The following NUDT3 variants were observed in gnomAD, a reference collection of about 807,000 sequenced individuals.
The protein encoded by NUDT3 is nudix hydrolase 3.
NUDT3 carries 9 observed loss-of-function variants against 23.6 expected under a neutral mutation model. The ratio of observed to expected loss-of-function variants is 0.38; its 90% CI spans 0.23 to 0.66. The LOEUF (loss-of-function observed/expected upper bound fraction) is 0.66. Among genes scored for constraint, NUDT3 ranks in the 30% least tolerant of loss-of-function variants. NUDT3 has a pLI of 0.52. For synonymous variants in NUDT3, 86 were observed against 82.6 expected, an observed-to-expected ratio of 1.04 and a Z score of -0.22; for missense variants, 172 against 218.5, an observed-to-expected ratio of 0.79 and a Z score of 1.34.
At chr6:34,312,165 G>A (rs975510704) in intron 2 of NUDT3, among the ~76,000 whole-genome samples, 3 of 152,128 alleles carry the variant, frequency 2.0e-5, no homozygotes, top group Non-Finnish European at 4.4e-5. Flanking sequence ...ACTTTGGGAG[G>A]CTGAGGTGGG....
At chr6:34,378,547 T>C (rs891789770) in intron 1 of NUDT3, among the ~76,000 whole-genome samples, 22 of 152,202 alleles carry the variant, frequency 1.4e-4, no homozygotes, top group Admixed American at 3.3e-4. Context: ...GCTCAGAATA[T>C]TGGAGTGGCA....
intron 1 of NUDT3, among the ~76,000 whole-genome samples, chr6:34,383,064 T>C (rs1338550855): frequency 6.7e-6 from 1 of 150,162 alleles, no homozygotes; most frequent in African/African-American, 2.5e-5. Flanking sequence ...GAGGCGGAGG[T>C]TGCAGTGAGC....
intron 1 of NUDT3, among the ~76,000 whole-genome samples, chr6:34,377,661 C>T (rs1465955932): frequency 6.6e-6 from 1 of 151,802 alleles, no homozygotes; most frequent in African/African-American, 2.4e-5. Flanking sequence ...TGGTGAAACC[C>T]GTTGCTACTG....
Position 34,348,901 on chromosome 6 carries a change from C to T in NUDT3, c.100-6929G>A, listed in dbSNP as rs538478244. On this transcript the variant is annotated intron_variant, in intron 1 of 4. Transcript: ENST00000607016. ...TTTAGACAGGATCTCGCTCTTTTGCCCAGGCTAGAGCGCAGTGGTGCAATC... is the reference window on the plus strand; with the variant it reads ...TTTAGACAGGATCTCGCTCTTTTGCTCAGGCTAGAGCGCAGTGGTGCAATC... 2.2e-4 allele frequency among the ~76,000 whole-genome samples: 33 copies of T among 151,738 alleles called. No homozygotes were observed. The East Asian group carries it at 6.0e-3, about 28-fold the overall frequency.
intron 1 of NUDT3, among the ~76,000 whole-genome samples, chr6:34,390,364 G>T (rs960386889): frequency 6.6e-6 from 1 of 151,598 alleles, no homozygotes; most frequent in African/African-American, 2.4e-5. Context: ...GTGAGATGCC[G>T]TGAGGTAGCC....
intron 3 of NUDT3, 100 bp from the exon 4 acceptor site, chr6:34,293,635 C>T: frequency 2.9e-6 from 4 of 1,361,164 alleles, no homozygotes; most frequent in Non-Finnish European, 4.1e-6. Flanking sequence ...AGAGCTCAGA[C>T]ACAAAGATTC....
At chr6:34,362,027 T>C (rs11967909) in intron 1 of NUDT3, among the ~76,000 whole-genome samples, 2,953 of 152,280 alleles carry the variant, frequency 0.019, 290 homozygotes, top group Admixed American at 0.16. Flanking sequence ...GGCTCACTGA[T>C]TGTAACAAAT....
intron 1 of NUDT3, among the ~76,000 whole-genome samples, chr6:34,389,791 A>T (rs1765165796): frequency 6.6e-6 from 1 of 152,026 alleles, no homozygotes; most frequent in Non-Finnish European, 1.5e-5. Flanking sequence ...GTAACAACCC[A>T]TCTCTACTAA....
At chr6:34,328,219 A>G (rs1764071765) in intron 2 of NUDT3, among the ~76,000 whole-genome samples, 2 of 152,178 alleles carry the variant, frequency 1.3e-5, no homozygotes, top group Non-Finnish European at 1.5e-5. Context: ...TTTCTCTTGA[A>G]ACATCAGAGG....
At chr6:34,384,212 G>A (rs1025659539) in intron 1 of NUDT3, among the ~76,000 whole-genome samples, 1 of 152,170 alleles carries the variant, frequency 6.6e-6, no homozygotes, top group African/African-American at 2.4e-5. Context: ...TCATCTCTCC[G>A]TTCCAACCTG....
chr6:34,336,124 C>G (rs1764205349), intron 2 of NUDT3, among the ~76,000 whole-genome samples: 1 of 152,006 alleles, frequency 6.6e-6, no homozygotes, highest in Non-Finnish European at 1.5e-5. Flanking sequence ...CAAAAATTAG[C>G]TGGGCATGGT....
At chr6:34,329,812 ATG>A (rs1581869586) in intron 2 of NUDT3, among the ~76,000 whole-genome samples, 1 of 151,928 alleles carries the variant, frequency 6.6e-6, no homozygotes, top group East Asian at 1.9e-4. Flanking sequence ...ACCCCACCCC[ATG>A]GCAGGCCCTG....
chr6:34,311,871 A>G lies in NUDT3; in HGVS notation c.211-16186T>C, dbSNP rs182376940. Among the ~76,000 whole-genome samples the G allele has an allele frequency of 1.2e-3, 184 of 152,344 alleles. 1 individual carries two copies. In the East Asian group the frequency reaches 0.013, roughly 11 times the overall value. On this transcript the variant is annotated intron_variant, in intron 2 of 4. Coordinates refer to ENST00000607016, the MANE Select transcript of NUDT3 (RefSeq NM_006703.4). ...CTGGCATTTTTGCCTGGCCATCCACATGCAGAAAAATCAATCTAGACACAA... is the reference window on the plus strand; with the variant it reads ...CTGGCATTTTTGCCTGGCCATCCACGTGCAGAAAAATCAATCTAGACACAA...
intron 2 of NUDT3, among the ~76,000 whole-genome samples, chr6:34,337,514 T>C (rs1764227215): frequency 6.6e-6 from 1 of 152,188 alleles, no homozygotes; most frequent in Non-Finnish European, 1.5e-5. Context: ...TATTCTCCCT[T>C]TTACCTATAG....
At chr6:34,318,764 T>C (rs2113715349) in intron 2 of NUDT3, among the ~76,000 whole-genome samples, 1 of 152,264 alleles carries the variant, frequency 6.6e-6, no homozygotes, top group Non-Finnish European at 1.5e-5. Context: ...AGTCTCGCTA[T>C]GTTGCCTAGG....
intron 2 of NUDT3, among the ~76,000 whole-genome samples, chr6:34,328,373 T>G (rs1425138997): frequency 6.6e-6 from 1 of 152,218 alleles, no homozygotes; most frequent in Non-Finnish European, 1.5e-5. Flanking sequence ...AGTGTATTAG[T>G]GTAGCCAAGT....
chr6:34,296,871 G>A lies in NUDT3; in HGVS notation c.211-1186C>T, dbSNP rs117138110. 2.1e-3 allele frequency among the ~76,000 whole-genome samples: 319 copies of A among 150,976 alleles called. 1 individual carries two copies. The highest frequency in any genetic ancestry group is 0.011 in the East Asian group (56 of 5,146). On this transcript the variant is annotated intron_variant, in intron 2 of 4. Transcript: ENST00000607016. ...TCTGCTACGGGTAAGTATCATGACAGAAATACACAGAGTGATGTGATGACA... is the reference window on the plus strand; with the variant it reads ...TCTGCTACGGGTAAGTATCATGACAAAAATACACAGAGTGATGTGATGACA...
At position 34,291,723 on chromosome 6, in the gene NUDT3, G is replaced by A. The variant is rs191190012; in HGVS notation, c.340+1728C>T. ...TCACCATGTTGGCCAGGCTGGTCTC[G>A]AACTCCTGACCTCAAGTGATTCGCC... On this transcript the variant is annotated intron_variant, in intron 4 of 4. Transcript: ENST00000607016. 5.3e-4 allele frequency among the ~76,000 whole-genome samples: 81 copies of A among 152,036 alleles called. 1 individual carries two copies. Among genetic ancestry groups the A allele is most frequent in the Admixed American group, 5.2e-3 (80 of 15,268 alleles).
At position 34,340,848 on chromosome 6, in the gene NUDT3, T is replaced by C. The variant is rs1348377319; in HGVS notation, c.210+1014A>G. ...GAACAATCTAGTTATGGGTATAAGA[T>C]AGATGCTACAATGAGAGTGACATAA... On this transcript the variant is annotated intron_variant, in intron 2 of 4. Coordinates refer to ENST00000607016, the MANE Select transcript of NUDT3 (RefSeq NM_006703.4). 5.9e-5 allele frequency among the ~76,000 whole-genome samples: 9 copies of C among 152,298 alleles called. No individual in the cohort carries two copies. The South Asian group carries it at 1.7e-3, about 28-fold the overall frequency.
Sources: gnomAD v4.1 joint callset for allele counts (sites outside exome capture counted in the v4.1 genomes callset) on GRCh38, gnomAD v4.1.1 for gene constraint, MANE v1.5 for transcripts, NCBI Gene and HGNC (gene_info 2026-07-23, HGNC 2026-07-21) for gene names.